Variants in CAMK1D observed in about 807,000 individuals in gnomAD.
CAMK1D encodes the protein calcium/calmodulin dependent protein kinase ID.
In CAMK1D, 9 loss-of-function variants were observed where a neutral mutation model predicts 47.7. The ratio of observed to expected loss-of-function variants is 0.19; its 90% confidence interval spans 0.11 to 0.33. CAMK1D has a LOEUF of 0.33. Among genes scored for constraint, CAMK1D ranks in the 10% least tolerant of loss-of-function variants. CAMK1D has a pLI of 1.00. For synonymous variants in CAMK1D, 184 were observed against 184.9 expected (o/e 0.99, Z 0.04); for missense variants, 291 against 488.7 (o/e 0.60, Z 3.81).
At chr10:12,353,115 C>G (rs1009507364) in intron 1 of CAMK1D, among the ~76,000 whole-genome samples, 1 of 152,102 alleles carries the variant, frequency 6.6e-6, no homozygotes, top group South Asian at 2.1e-4. Flanking sequence ...GACTCTGGCC[C>G]GAGTCTTAAT....
intron 2 of CAMK1D, among the ~76,000 whole-genome samples, chr10:12,650,828 C>A (rs1440541540): frequency 1.3e-5 from 2 of 152,158 alleles, no homozygotes; most frequent in Non-Finnish European, 2.9e-5. Flanking sequence ...GCAGCATCAT[C>A]CCTCACTCTA....
chr10:12,629,403 A>C (rs999751012), intron 2 of CAMK1D, among the ~76,000 whole-genome samples: 13 of 152,226 alleles, frequency 8.5e-5, no homozygotes, highest in African/African-American at 3.1e-4. Flanking sequence ...CAAAATGACA[A>C]TAAACACGTT....
intron 1 of CAMK1D, among the ~76,000 whole-genome samples, chr10:12,514,198 G>T (rs143963924): frequency 6.6e-6 from 1 of 152,150 alleles, no homozygotes; most frequent in Admixed American, 6.5e-5. Flanking sequence ...GTTTTATCTC[G>T]CTGCTTCCAC....
In CAMK1D at chr10:12,660,810, T is replaced by A. The variant is rs114494504; in HGVS notation, c.225-5926T>A. 4.6e-3 allele frequency among the ~76,000 whole-genome samples: 696 copies of A among 152,356 alleles called. 7 individuals carry two copies. Among genetic ancestry groups the A allele is most frequent in the African/African-American group, 0.015 (629 of 41,588 alleles). The stretch of plus-strand genomic sequence containing the variant: ...GAAGTTGTTTTCAGTGACATTATTA[T>A]GGCTTTGAATTACGCACATTTCAGG... On this transcript the variant is annotated intron_variant, in intron 2 of 10. Coordinates refer to ENST00000619168, the MANE Select transcript of CAMK1D (RefSeq NM_153498.4).
At chr10:12,520,252 A>G (rs1588583379) in intron 1 of CAMK1D, among the ~76,000 whole-genome samples, 1 of 71,014 alleles carries the variant, frequency 1.4e-5, no homozygotes. Flanking sequence ...CCTCCCAGAC[A>G]GGGTTGCGGC....
intron 3 of CAMK1D, 81 bp from the exon 4 acceptor site, chr10:12,760,867 T>A: frequency 1.3e-6 from 2 of 1,484,908 alleles, no homozygotes; most frequent in Non-Finnish European, 1.9e-6. Flanking sequence ...CAATAAAGTT[T>A]GGGATTTTTT....
Position 12,645,572 on chromosome 10 carries a change from C to G in CAMK1D, c.225-21164C>G, listed in dbSNP as rs566980326. Among the ~76,000 whole-genome samples, 9 of 152,308 alleles carry G rather than the reference C, an allele frequency of 5.9e-5. No individual in the cohort carries two copies. The East Asian group carries it at 1.7e-3, about 29-fold the overall frequency. On this transcript the variant is annotated intron_variant, in intron 2 of 10. Transcript: ENST00000619168. The stretch of plus-strand genomic sequence containing the variant: ...CACAGCTTCCGTGACATAATCACTT[C>G]CTTCTTGGGGTCACAAGATGGCTGC...
rs377211513 is a variant in CAMK1D, at chr10:12,734,385, G to T, written c.300-26563G>T. Among the ~76,000 whole-genome samples the T allele has an allele frequency of 8.6e-3, 406 of 46,964 alleles. 34 individuals are homozygous for T. Among genetic ancestry groups the T allele is most frequent in the African/African-American group, 0.034 (361 of 10,692 alleles). 30.8% of individuals were successfully genotyped at this position (46,964 alleles called of 152,430 possible). ...ATATATATATATATATATAGATATAGATATAGATATATATATATATACACA... is the reference window on the plus strand; with the variant it reads ...ATATATATATATATATATAGATATATATATAGATATATATATATATACACA... On this transcript the variant is annotated intron_variant, in intron 3 of 10. Transcript: ENST00000619168.
chr10:12,600,411 G>A (rs12267080), intron 2 of CAMK1D, among the ~76,000 whole-genome samples: 5 of 152,110 alleles, frequency 3.3e-5, no homozygotes, highest in Non-Finnish European at 7.4e-5. Flanking sequence ...GTCCCTACTC[G>A]GTAACCTACT....
intron 2 of CAMK1D, among the ~76,000 whole-genome samples, chr10:12,557,250 A>G (rs907362934): frequency 6.6e-6 from 1 of 152,180 alleles, no homozygotes; most frequent in South Asian, 2.1e-4. Context: ...CAGACACAGC[A>G]TGTAAGAAAA....
chr10:12,801,200 C>T (rs1160563908), intron 6 of CAMK1D, among the ~76,000 whole-genome samples: 1 of 152,056 alleles, frequency 6.6e-6, no homozygotes, highest in Non-Finnish European at 1.5e-5. Context: ...GTCACTGGAA[C>T]TTTCAGATGT....
chr10:12,517,410 G>T (rs560869625), intron 1 of CAMK1D, among the ~76,000 whole-genome samples: 13 of 152,302 alleles, frequency 8.5e-5, no homozygotes, highest in African/African-American at 2.6e-4. Context: ...ATAGGACATA[G>T]AAATGATGAG....
At chr10:12,683,075 C>T (rs934789223) in intron 3 of CAMK1D, among the ~76,000 whole-genome samples, 14 of 147,540 alleles carry the variant, frequency 9.5e-5, no homozygotes, top group African/African-American at 3.0e-4. Flanking sequence ...GTGCATGCCA[C>T]CTCACCCAGC....
At chr10:12,579,089 A>G (rs2132333479) in intron 2 of CAMK1D, among the ~76,000 whole-genome samples, 1 of 152,176 alleles carries the variant, frequency 6.6e-6, no homozygotes, top group East Asian at 1.9e-4. Context: ...ACAGAGCTTC[A>G]AAGAGCAAGA....
chr10:12,384,019 A>C (rs1838419146), intron 1 of CAMK1D, among the ~76,000 whole-genome samples: 1 of 152,274 alleles, frequency 6.6e-6, no homozygotes, highest in African/African-American at 2.4e-5. Context: ...TGCAAGATCC[A>C]AGATCAGTAT....
chr10:12,622,242 C>T (rs143231208), intron 2 of CAMK1D, among the ~76,000 whole-genome samples: 8 of 152,188 alleles, frequency 5.3e-5, no homozygotes, highest in African/African-American at 1.9e-4. Flanking sequence ...ATATTTTGTT[C>T]CTGTAGGATT....
At chr10:12,616,956 G>T (rs890907077) in intron 2 of CAMK1D, among the ~76,000 whole-genome samples, 2 of 152,146 alleles carry the variant, frequency 1.3e-5, no homozygotes, top group African/African-American at 4.8e-5. Context: ...AAGTGTTTGG[G>T]GTGTAGGGAA....
chr10:12,439,123 A>G (rs1832713118), intron 1 of CAMK1D, among the ~76,000 whole-genome samples: 1 of 152,206 alleles, frequency 6.6e-6, no homozygotes, highest in South Asian at 2.1e-4. Context: ...ACCAGGGCCT[A>G]TTATCCCAAG....
intron 3 of CAMK1D, among the ~76,000 whole-genome samples, chr10:12,699,717 T>C (rs1833437169): frequency 6.6e-6 from 1 of 152,050 alleles, no homozygotes; most frequent in South Asian, 2.1e-4. Flanking sequence ...GCCGTGGACT[T>C]CATCTTCCAC....
Sources: gnomAD v4.1 joint callset for allele counts (sites outside exome capture counted in the v4.1 genomes callset) on GRCh38, gnomAD v4.1.1 for gene constraint, MANE v1.5 for transcripts, NCBI Gene and HGNC (gene_info 2026-07-23, HGNC 2026-07-21) for gene names.